The following ZNF474 variants were observed in gnomAD, a reference collection of about 807,000 sequenced individuals.
The protein encoded by ZNF474 is 4933409D10Rik.
For missense variants in ZNF474, 511 were observed against 433.8 expected (o/e 1.18, Z -1.58); for synonymous variants, 192 against 162.2 (o/e 1.18, Z -1.39).
rs923144803 is a variant in ZNF474, at chr5:122,151,882, C to T, written c.-109C>T. 27 of 1,359,414 alleles carry T rather than the reference C, an allele frequency of 2.0e-5. No homozygotes were observed. Among genetic ancestry groups the T allele is most frequent in the Admixed American group, 6.9e-5 (3 of 43,698 alleles). 84.2% of individuals were successfully genotyped at this position (1,359,414 alleles called of 1,614,324 possible). On this transcript the variant is annotated 5_prime_UTR_variant, in exon 2 of 2. The change creates a new upstream start codon in the 5' untranslated region. Coordinates refer to ENST00000296600, the MANE Select transcript of ZNF474 (RefSeq NM_207317.3). Reference sequence around the variant, plus strand: ...GTCTGTGAGGCTAAGGTACTGGCAACGGTGTGAACCCCAGGACAACTAACC... The same window carrying T: ...GTCTGTGAGGCTAAGGTACTGGCAATGGTGTGAACCCCAGGACAACTAACC...
intron 1 of ZNF474, 74 bp from the exon 2 acceptor site, chr5:122,151,705 A>ATGTCGTG (rs58814754): frequency 2.9e-4 from 59 of 206,104 alleles, no homozygotes; most frequent in African/African-American, 1.4e-3. Context: ...AACAACCTAA[A>ATGTCGTG]TGTGTGTGTG....
chr5:122,152,917 T>C lies in ZNF474; in HGVS notation c.927T>C (p.His309=). ...LLVHQRSCKT[H]PYGPKYQNLN... is the part of the protein sequence containing the mutation. Reference sequence around the variant, plus strand: ...TACACCAGAGAAGTTGTAAAACTCATCCTTATGGGCCAAAATATCAGAATT... The same window carrying C: ...TACACCAGAGAAGTTGTAAAACTCACCCTTATGGGCCAAAATATCAGAATT... Residue 309 remains histidine (H), a synonymous_variant, in exon 2 of 2, where the codon CAT becomes CAC. Transcript: ENST00000296600. The C allele has an allele frequency of 6.2e-7, 1 of 1,612,494 alleles. No individual in the cohort carries two copies. Among genetic ancestry groups the C allele is most frequent in the South Asian group, 1.1e-5 (1 of 91,076 alleles).
chr5:122,141,048 A>G (rs984288509), intron 1 of ZNF474, among the ~76,000 whole-genome samples: 3 of 151,926 alleles, frequency 2.0e-5, no homozygotes. Flanking sequence ...CCATATAGGA[A>G]ATGACACCAC....
intron 1 of ZNF474, among the ~76,000 whole-genome samples, chr5:122,150,988 C>G (rs1372534078): frequency 6.6e-6 from 1 of 152,166 alleles, no homozygotes; most frequent in Admixed American, 6.5e-5. Flanking sequence ...TATAGCTCCA[C>G]TTTATTAATA....
At chr5:122,130,931 T>C (rs963946239) in intron 1 of ZNF474, among the ~76,000 whole-genome samples, 1 of 152,154 alleles carries the variant, frequency 6.6e-6, no homozygotes, top group Non-Finnish European at 1.5e-5. Context: ...CACAATGCTG[T>C]ACATTAGGTT....
In ZNF474 at chr5:122,151,815, A is replaced by G. The variant is rs1561443999; in HGVS notation, c.-176A>G. On this transcript the variant is annotated 5_prime_UTR_variant, in exon 2 of 2. Transcript: ENST00000296600. ...ATCTCAGCTTTAATGAGGACTTTCCAACATTCCAGACTGCCGTCCTGCAAT... is the reference window on the plus strand; with the variant it reads ...ATCTCAGCTTTAATGAGGACTTTCCGACATTCCAGACTGCCGTCCTGCAAT... 5 of 719,120 alleles carry G rather than the reference A, an allele frequency of 7.0e-6. No individual in the cohort carries two copies. In the East Asian group the frequency reaches 1.1e-4, roughly 16 times the overall value. The allele number at this position is 719,120 out of a possible 1,614,324, so 44.5% of individuals were successfully genotyped here. A position where few individuals can be genotyped will look rare whatever the true frequency, so the allele number is the denominator to read the frequency against.
chr5:122,132,545 CT>C (rs1384013682), intron 1 of ZNF474, among the ~76,000 whole-genome samples: 1 of 151,770 alleles, frequency 6.6e-6, no homozygotes, highest in African/African-American at 2.4e-5. Flanking sequence ...ATACTTAGTT[CT>C]TTTGTGTTTT....
chr5:122,131,480 A>G (rs1755576093), intron 1 of ZNF474, among the ~76,000 whole-genome samples: 1 of 152,134 alleles, frequency 6.6e-6, no homozygotes, highest in Non-Finnish European at 1.5e-5. Context: ...TGAACCTTAA[A>G]AAAGAAGAAA....
intron 1 of ZNF474, among the ~76,000 whole-genome samples, chr5:122,150,688 G>A (rs115467578): frequency 0.015 from 2,231 of 152,088 alleles, 45 homozygotes; most frequent in African/African-American, 0.05. Flanking sequence ...ATAAACCCAC[G>A]GTAAAATTTA....
chr5:122,151,523 T>C (rs555780706), intron 1 of ZNF474, among the ~76,000 whole-genome samples: 5 of 152,282 alleles, frequency 3.3e-5, no homozygotes, highest in Admixed American at 1.3e-4. Flanking sequence ...AGTTAACTTT[T>C]TGGGCAGAAC....
At chr5:122,147,391 ATACTT>A (rs1219026640) in intron 1 of ZNF474, among the ~76,000 whole-genome samples, 1 of 152,174 alleles carries the variant, frequency 6.6e-6, no homozygotes, top group Non-Finnish European at 1.5e-5. Context: ...ATTTTTTTAT[ATACTT>A]TAAGTTCTAG....
At chr5:122,131,192 T>TA (rs1455896435) in intron 1 of ZNF474, among the ~76,000 whole-genome samples, 3 of 152,182 alleles carry the variant, frequency 2.0e-5, no homozygotes, top group Non-Finnish European at 4.4e-5. Flanking sequence ...GGAACCCTTA[T>TA]ACACTGTTTG....
chr5:122,138,948 T>G lies in ZNF474; in HGVS notation c.-213+9265T>G, dbSNP rs921536697. Among the ~76,000 whole-genome samples, 7 of 152,356 alleles carry G rather than the reference T, an allele frequency of 4.6e-5. No homozygotes were observed. The South Asian group carries it at 6.2e-4, about 14-fold the overall frequency. On this transcript the variant is annotated intron_variant, in intron 1 of 1. Coordinates refer to ENST00000296600, the MANE Select transcript of ZNF474 (RefSeq NM_207317.3). Reference sequence around the variant, plus strand: ...AATATATAATTATTTTGTGAAAGACTTTTTCCATTTTGGTTCATTTTAAAA... The same window carrying G: ...AATATATAATTATTTTGTGAAAGACGTTTTCCATTTTGGTTCATTTTAAAA...
At chr5:122,138,023 T>A (rs1170670476) in intron 1 of ZNF474, among the ~76,000 whole-genome samples, 1 of 152,194 alleles carries the variant, frequency 6.6e-6, no homozygotes, top group Non-Finnish European at 1.5e-5. Context: ...CAATGCTAGA[T>A]ATGGAAATGC....
chr5:122,137,244 C>T (rs891790167), intron 1 of ZNF474, among the ~76,000 whole-genome samples: 8 of 151,592 alleles, frequency 5.3e-5, no homozygotes, highest in Non-Finnish European at 1.0e-4. Flanking sequence ...AGTTCAAGGC[C>T]AGCCTGGCCA....
At chr5:122,135,159 C>A (rs1313221672) in intron 1 of ZNF474, among the ~76,000 whole-genome samples, 1 of 152,030 alleles carries the variant, frequency 6.6e-6, no homozygotes, top group Admixed American at 6.6e-5. Context: ...AGTGAAAAAC[C>A]AAATTATACA....
intron 1 of ZNF474, among the ~76,000 whole-genome samples, chr5:122,134,315 G>A (rs1384198461): frequency 6.6e-6 from 1 of 152,202 alleles, no homozygotes; most frequent in Admixed American, 6.5e-5. Flanking sequence ...TTGTTTGAGA[G>A]GAGACTCTAA....
rs569557700 is a variant in ZNF474 at position 122,129,592 on chromosome 5, A to C, written c.-304A>C. Reference sequence around the variant, plus strand: ...CTCCTGCAAGGAATGTGAATCTTGGAGCTCCCAGCTATTCTGTTCCTGTTT... The same window carrying C: ...CTCCTGCAAGGAATGTGAATCTTGGCGCTCCCAGCTATTCTGTTCCTGTTT... On this transcript the variant is annotated 5_prime_UTR_variant, in exon 1 of 2. Coordinates refer to ENST00000296600, the MANE Select transcript of ZNF474 (RefSeq NM_207317.3). The C allele has an allele frequency of 6.6e-6, 1 of 152,274 alleles. No individual in the cohort carries two copies. The highest frequency in any genetic ancestry group is 1.5e-5 in the Non-Finnish European group (1 of 68,028). The allele number at this position is 152,274 out of a possible 1,614,324, so 9.4% of individuals were successfully genotyped here.
chr5:122,136,207 T>C (rs1755695828), intron 1 of ZNF474, among the ~76,000 whole-genome samples: 1 of 152,204 alleles, frequency 6.6e-6, no homozygotes, highest in South Asian at 2.1e-4. Flanking sequence ...ATTACCCTCA[T>C]TTGATTATTA....
Sources: gnomAD v4.1 joint callset for allele counts (sites outside exome capture counted in the v4.1 genomes callset) on GRCh38, gnomAD v4.1.1 for gene constraint, MANE v1.5 for transcripts, NCBI Gene and HGNC (gene_info 2026-07-23, HGNC 2026-07-21) for gene names.